The following RAP1B variants were observed in gnomAD, a reference collection of about 807,000 sequenced individuals.
The protein encoded by RAP1B is ras-related protein Rap-1b.
A neutral mutation model predicts 27.5 loss-of-function variants in RAP1B; 1 was observed. The ratio of observed to expected loss-of-function variants is 0.04; its 90% CI spans 0.01 to 0.17. RAP1B has a LOEUF of 0.17. RAP1B is among the 10% of genes least tolerant of loss of function. RAP1B has a pLI of 1.00. For missense variants in RAP1B, 84 were observed against 214.8 expected, an observed-to-expected ratio of 0.39 and a Z score of 3.81; for synonymous variants, 75 against 73.1, an observed-to-expected ratio of 1.03 and a Z score of -0.13.
Position 68,667,134 on chromosome 12 carries a change from ACTTTT to A in RAP1B, c.*7891_*7895del, listed in dbSNP as rs1331029752. The A allele has an allele frequency of 6.6e-6, 1 of 152,118 alleles. No homozygotes were observed. Among genetic ancestry groups the A allele is most frequent in the Non-Finnish European group, 1.5e-5 (1 of 68,022 alleles). 9.4% of individuals were successfully genotyped at this position (152,118 alleles called of 1,614,324 possible). ...CTTAGATCTAATAGTAATATAACAAACTTTTCTTTTTCATTTTCAGACATATCCAG... is the reference window on the plus strand; with the variant it reads ...CTTAGATCTAATAGTAATATAACAAACTTTTTCATTTTCAGACATATCCAG... On this transcript the variant is annotated 3_prime_UTR_variant, in exon 8 of 8. Transcript: ENST00000250559.
chr12:68,657,260 T>G (rs1874272312), intron 7 of RAP1B, 43 bp downstream of exon 7: 2 of 1,227,526 alleles, frequency 1.6e-6, no homozygotes, highest in African/African-American at 3.0e-5. Flanking sequence ...TCACTCAACC[T>G]TATTAAGGGC....
Position 68,662,619 on chromosome 12 carries a change from T to C in RAP1B, c.*3370T>C, listed in dbSNP as rs1052035858. Reference sequence around the variant, plus strand: ...TTTCATTGAATTTAATCTCCATCTATTCTATCTCTTCTTAAATCTTGGAAA... The same window carrying C: ...TTTCATTGAATTTAATCTCCATCTACTCTATCTCTTCTTAAATCTTGGAAA... On this transcript the variant is annotated 3_prime_UTR_variant, in exon 8 of 8. Coordinates refer to ENST00000250559, the MANE Select transcript of RAP1B (RefSeq NM_001010942.3). 3 of 152,186 alleles carry C rather than the reference T, an allele frequency of 2.0e-5. No homozygotes were observed. The highest frequency in any genetic ancestry group is 4.4e-5 in the Non-Finnish European group (3 of 68,018). The allele number at this position is 152,186 out of a possible 1,614,324, so 9.4% of individuals were successfully genotyped here. A position where few individuals can be genotyped will look rare whatever the true frequency, so the allele number is the denominator to read the frequency against.
chr12:68,615,501 A>C (rs915414542), intron 1 of RAP1B, among the ~76,000 whole-genome samples: 1 of 151,952 alleles, frequency 6.6e-6, no homozygotes, highest in African/African-American at 2.4e-5. Context: ...AGGCAGGAGA[A>C]TCGCTTGAAC....
At chr12:68,624,217 T>G (rs1035625408) in intron 1 of RAP1B, among the ~76,000 whole-genome samples, 15 of 152,154 alleles carry the variant, frequency 9.9e-5, no homozygotes, top group Admixed American at 2.0e-4. Flanking sequence ...TGATGAGTCT[T>G]TAGGGTATGG....
intron 1 of RAP1B, chr12:68,642,482 A>T (rs907391742): frequency 1.2e-6 from 1 of 856,492 alleles, no homozygotes; most frequent in African/African-American, 1.7e-5. Flanking sequence ...AATGTGTAAT[A>T]CAAGGGCCAG....
intron 1 of RAP1B, among the ~76,000 whole-genome samples, chr12:68,620,606 CTTTT>C (rs71091541): frequency 7.0e-6 from 1 of 143,408 alleles, no homozygotes; most frequent in African/African-American, 2.6e-5. Flanking sequence ...TTTTCCTTTT[CTTTT>C]TTTTTTTTTT....
chr12:68,637,664 T>G (rs1389281007), intron 1 of RAP1B, among the ~76,000 whole-genome samples: 4 of 142,340 alleles, frequency 2.8e-5, no homozygotes, highest in African/African-American at 5.2e-5. Flanking sequence ...ACCACCCCCC[T>G]GGTAAATTAC....
At chr12:68,620,837 C>G (rs1871339208) in intron 1 of RAP1B, among the ~76,000 whole-genome samples, 1 of 152,172 alleles carries the variant, frequency 6.6e-6, no homozygotes, top group Admixed American at 6.5e-5. Flanking sequence ...GTTCTTCCAC[C>G]TCAGTCCTCC....
At chr12:68,632,343 A>T (rs1872329258) in intron 1 of RAP1B, among the ~76,000 whole-genome samples, 1 of 152,036 alleles carries the variant, frequency 6.6e-6, no homozygotes, top group Non-Finnish European at 1.5e-5. Flanking sequence ...CATGTTGGCC[A>T]GGCTGGTCTC....
At chr12:68,654,560 C>T (rs1238193740) in intron 5 of RAP1B, among the ~76,000 whole-genome samples, 2 of 151,448 alleles carry the variant, frequency 1.3e-5, no homozygotes, top group African/African-American at 4.9e-5. Flanking sequence ...GGTGCGATAG[C>T]TGTACCTCCC....
At chr12:68,630,891 C>T (rs1454620372) in intron 1 of RAP1B, among the ~76,000 whole-genome samples, 1 of 151,564 alleles carries the variant, frequency 6.6e-6, no homozygotes, top group Non-Finnish European at 1.5e-5. Context: ...CCTTGTTGCC[C>T]AAGGATTACA....
chr12:68,614,239 C>A (rs1870819611), intron 1 of RAP1B, among the ~76,000 whole-genome samples: 1 of 152,184 alleles, frequency 6.6e-6, no homozygotes, highest in Admixed American at 6.5e-5. Context: ...GGATCTGATA[C>A]AGAGAATTTG....
At chr12:68,629,166 A>G (rs1872049823) in intron 1 of RAP1B, among the ~76,000 whole-genome samples, 4 of 152,064 alleles carry the variant, frequency 2.6e-5, no homozygotes, top group Admixed American at 1.3e-4. Flanking sequence ...TTTTGTAGAG[A>G]CAAGGTTTCA....
chr12:68,656,782 A>G (rs1874237912), intron 6 of RAP1B: 4 of 526,814 alleles, frequency 7.6e-6, no homozygotes, highest in East Asian at 6.3e-5. Context: ...GGTTCTTGAA[A>G]GGCTCCAAGT....
At chr12:68,644,686 CTTTTTTTTT>C (rs535569981) in intron 1 of RAP1B, among the ~76,000 whole-genome samples, 2 of 109,116 alleles carry the variant, frequency 1.8e-5, no homozygotes, top group East Asian at 5.4e-4. Context: ...TTAAAAGTTA[CTTTTTTTTT>C]TTTTTTTTTT....
chr12:68,627,121 C>T (rs776614512), intron 1 of RAP1B: 143 of 1,586,160 alleles, frequency 9.0e-5, no homozygotes, highest in Non-Finnish European at 1.1e-4. Context: ...ATAACTTGGC[C>T]AGTGTGAACC....
At chr12:68,651,123 T>A (rs1014483780) in intron 3 of RAP1B, among the ~76,000 whole-genome samples, 5 of 152,228 alleles carry the variant, frequency 3.3e-5, no homozygotes, top group African/African-American at 1.2e-4. Flanking sequence ...TTTCCACTTG[T>A]AGCGTGATGT....
chr12:68,629,892 T>G (rs1239405228), intron 1 of RAP1B, among the ~76,000 whole-genome samples: 1 of 152,214 alleles, frequency 6.6e-6, no homozygotes, highest in African/African-American at 2.4e-5. Flanking sequence ...TGGCATATAT[T>G]TTGCAACTAA....
chr12:68,627,116 T>A, intron 1 of RAP1B: 1 of 1,588,174 alleles, frequency 6.3e-7, no homozygotes, highest in Non-Finnish European at 8.5e-7. Context: ...AGATGATAAC[T>A]TGGCCAGTGT....
Sources: gnomAD v4.1 joint callset for allele counts (sites outside exome capture counted in the v4.1 genomes callset) on GRCh38, gnomAD v4.1.1 for gene constraint, MANE v1.5 for transcripts, NCBI Gene and HGNC (gene_info 2026-07-23, HGNC 2026-07-21) for gene names.